The following ITGB3BP variants were observed in gnomAD, a reference collection of about 807,000 sequenced individuals.
ITGB3BP encodes the protein integrin subunit beta 3 binding protein.
In ITGB3BP, 27 loss-of-function variants were observed where a neutral mutation model predicts 29.1. The observed-to-expected ratio is 0.93, with a 90% CI of 0.68 to 1.28. The LOEUF (loss-of-function observed/expected upper bound fraction) is 1.28, where lower values mean the gene tolerates loss of function less well. Among genes scored for constraint, ITGB3BP ranks in the 50% most tolerant of loss-of-function variants. The pLI, the probability that ITGB3BP is intolerant of heterozygous loss-of-function variation, is 0.00. For synonymous variants in ITGB3BP, 61 were observed against 61.4 expected, an observed-to-expected ratio of 0.99 and a Z score of 0.03; for missense variants, 192 against 200.2, an observed-to-expected ratio of 0.96 and a Z score of 0.25.
chr1:63,510,205 G>A, intron 1 of ITGB3BP: 1 of 490,482 alleles, frequency 2.0e-6, no homozygotes, highest in Non-Finnish European at 3.7e-6. Flanking sequence ...AAAAGAAAAA[G>A]AAAATAGAAA....
In ITGB3BP at chr1:63,523,109, C is replaced by A; in HGVS notation, c.5+20G>T. Reference sequence around the variant, plus strand: ...GCAGAGGGCCCCCAAAACAGCAATACCTGGGGAGGAGATACCTACGGCATT... The same window carrying A: ...GCAGAGGGCCCCCAAAACAGCAATAACTGGGGAGGAGATACCTACGGCATT... On this transcript the variant is annotated intron_variant, in intron 1 of 8. Coordinates refer to ENST00000271002, the MANE Select transcript of ITGB3BP (RefSeq NM_014288.5). The A allele has an allele frequency of 6.2e-7, 1 of 1,614,020 alleles. No individual in the cohort carries two copies. The highest frequency in any genetic ancestry group is 2.2e-5 in the East Asian group (1 of 44,886).
chr1:63,455,109 G>C (rs1184951325), intron 4 of ITGB3BP, 141 bp from the exon 5 acceptor site: 2 of 528,492 alleles, frequency 3.8e-6, no homozygotes, highest in African/African-American at 3.8e-5. Flanking sequence ...ATTATCAACT[G>C]TCCCCTCTTT....
chr1:63,509,669 A>T (rs948699230), intron 1 of ITGB3BP, among the ~76,000 whole-genome samples: 2 of 152,200 alleles, frequency 1.3e-5, no homozygotes, highest in South Asian at 4.1e-4. Context: ...CTATATCCAC[A>T]TTACCCTATC....
chr1:63,444,419 G>GATGGATATATATAAGATATATATATC (rs1279907719), intron 8 of ITGB3BP, among the ~76,000 whole-genome samples: 23 of 147,844 alleles, frequency 1.6e-4, no homozygotes, highest in African/African-American at 5.4e-4. Context: ...AGTGTATGTG[G>GATGGATATATATAAGATATATATATC]ATGGATATAT....
At chr1:63,517,029 T>C (rs1180579197) in intron 1 of ITGB3BP, among the ~76,000 whole-genome samples, 3 of 151,802 alleles carry the variant, frequency 2.0e-5, no homozygotes, top group African/African-American at 7.3e-5. Flanking sequence ...TAAATGATCA[T>C]ACTCAAAAAA....
chr1:63,494,647 A>C (rs147960524), intron 2 of ITGB3BP, among the ~76,000 whole-genome samples: 12 of 152,328 alleles, frequency 7.9e-5, no homozygotes, highest in African/African-American at 2.6e-4. Context: ...GAAATTAATA[A>C]TATGCAAATT....
intron 2 of ITGB3BP, among the ~76,000 whole-genome samples, chr1:63,507,728 T>C (rs537901411): frequency 1.7e-4 from 26 of 152,336 alleles, no homozygotes; most frequent in Non-Finnish European, 1.2e-4. Context: ...TAAATTTCTG[T>C]TTTGTTAAAT....
intron 2 of ITGB3BP, among the ~76,000 whole-genome samples, chr1:63,495,165 T>G (rs1645756016): frequency 6.6e-6 from 1 of 152,196 alleles, no homozygotes; most frequent in South Asian, 2.1e-4. Context: ...GAATAAATTT[T>G]GTAAATAAAG....
chr1:63,523,286 G>A (rs17125092), upstream of ITGB3BP: 2,489 of 953,808 alleles, frequency 2.6e-3, 39 homozygotes, highest in African/African-American at 0.034. Flanking sequence ...CATCCTCCCC[G>A]CGACGAAGGA....
At chr1:63,515,768 G>A (rs1646302777) in intron 1 of ITGB3BP, among the ~76,000 whole-genome samples, 1 of 140,884 alleles carries the variant, frequency 7.1e-6, no homozygotes, top group African/African-American at 2.7e-5. Flanking sequence ...GGAGGTTGCA[G>A]TGAGCCAAGA....
intron 3 of ITGB3BP, among the ~76,000 whole-genome samples, chr1:63,488,706 T>C (rs975683875): frequency 1.4e-4 from 22 of 152,042 alleles, no homozygotes; most frequent in African/African-American, 5.1e-4. Context: ...ATATGTGAGA[T>C]ATATATATTA....
At chr1:63,447,705 A>G (rs1644806059) in intron 7 of ITGB3BP, 2 of 454,314 alleles carry the variant, frequency 4.4e-6, no homozygotes, top group Admixed American at 4.7e-5. Flanking sequence ...ATGTGGAGAA[A>G]TAGGAACACT....
chr1:63,523,096 CA>C, intron 1 of ITGB3BP, 32 bp downstream of exon 1: 1 of 1,613,732 alleles, frequency 6.2e-7, no homozygotes, highest in Non-Finnish European at 8.5e-7. Context: ...AGAGGGCCCC[CA>C]AAACAGCAAT....
chr1:63,476,718 CCAA>C (rs1645347563), intron 4 of ITGB3BP, among the ~76,000 whole-genome samples: 2 of 152,174 alleles, frequency 1.3e-5, no homozygotes, highest in South Asian at 2.1e-4. Flanking sequence ...TCACTTTTGT[CCAA>C]CAACATTTCC....
intron 1 of ITGB3BP, among the ~76,000 whole-genome samples, chr1:63,518,284 A>G (rs1231318676): frequency 1.3e-5 from 2 of 152,182 alleles, no homozygotes; most frequent in Non-Finnish European, 2.9e-5. Flanking sequence ...GATTCTTAGT[A>G]ACAAATTCTA....
intron 1 of ITGB3BP, 75 bp from the exon 2 acceptor site, chr1:63,508,645 T>TA (rs1304775520): frequency 1.5e-6 from 1 of 645,990 alleles, no homozygotes; most frequent in Non-Finnish European, 2.6e-6. Flanking sequence ...TAAGGGAAGA[T>TA]ATATAAACAA....
At chr1:63,452,752 T>C (rs3790862) in intron 7 of ITGB3BP, among the ~76,000 whole-genome samples, 20,494 of 152,134 alleles carry the variant, frequency 0.13, 1,524 homozygotes, top group Middle Eastern at 0.25. Flanking sequence ...AGGAAGCCTA[T>C]TCAGCTCCCT....
intron 4 of ITGB3BP, among the ~76,000 whole-genome samples, chr1:63,476,275 T>TAG (rs1435990545): frequency 6.6e-6 from 1 of 151,974 alleles, no homozygotes; most frequent in Admixed American, 6.6e-5. Context: ...GTGATTCTCC[T>TAG]GCCTCAGCCT....
upstream of ITGB3BP, chr1:63,527,897 A>G (rs1165064288): frequency 6.6e-6 from 1 of 152,206 alleles, no homozygotes; most frequent in East Asian, 1.9e-4. Context: ...TCAAAACTGA[A>G]CAGAAGATAT....
Sources: gnomAD v4.1 joint callset for allele counts (sites outside exome capture counted in the v4.1 genomes callset) on GRCh38, gnomAD v4.1.1 for gene constraint, MANE v1.5 for transcripts, NCBI Gene and HGNC (gene_info 2026-07-23, HGNC 2026-07-21) for gene names.